Variants in RBFOX1 observed in about 807,000 individuals in gnomAD.
The protein encoded by RBFOX1 is RNA binding fox-1 homolog 1, also known as RNA binding protein fox-1 homolog 1.
A neutral mutation model predicts 57.7 loss-of-function variants in RBFOX1; 8 were observed. That is an observed-to-expected ratio of 0.14 (90% CI 0.08 to 0.25). The LOEUF (loss-of-function observed/expected upper bound fraction) is 0.25, where lower values mean the gene tolerates loss of function less well. Ranked by LOEUF, RBFOX1 falls within the 10% of genes least tolerant of loss-of-function variation. RBFOX1 has a pLI of 1.00. For synonymous variants in RBFOX1, 326 were observed against 222.4 expected (o/e 1.47, Z -4.15); for missense variants, 611 against 548.5 (o/e 1.11, Z -1.14).
intron 4 of RBFOX1, among the ~76,000 whole-genome samples, chr16:5,963,399 A>G (rs1375005447): frequency 6.6e-6 from 1 of 152,234 alleles, no homozygotes; most frequent in Non-Finnish European, 1.5e-5. Context: ...ATCAGGTTGT[A>G]CACACAGAAA....
At chr16:5,462,316 C>T (rs1037372960) in intron 1 of RBFOX1, among the ~76,000 whole-genome samples, 16 of 151,878 alleles carry the variant, frequency 1.1e-4, no homozygotes, top group African/African-American at 3.6e-4. Flanking sequence ...CTACAGGGGC[C>T]CGCCACCACG....
At chr16:5,319,969 T>A (rs2064357069) in intron 1 of RBFOX1, among the ~76,000 whole-genome samples, 1 of 152,102 alleles carries the variant, frequency 6.6e-6, no homozygotes, top group African/African-American at 2.4e-5. Flanking sequence ...CTTCCAACAT[T>A]TTGGTGGCCC....
intron 4 of RBFOX1, among the ~76,000 whole-genome samples, chr16:7,173,496 T>G (rs1443404012): frequency 1.3e-5 from 2 of 152,170 alleles, no homozygotes; most frequent in Non-Finnish European, 2.9e-5. Context: ...TTGACACTTT[T>G]TTTTTTCTCT....
At chr16:6,815,074 C>G (rs1400059051) in intron 3 of RBFOX1, among the ~76,000 whole-genome samples, 1 of 152,134 alleles carries the variant, frequency 6.6e-6, no homozygotes, top group Non-Finnish European at 1.5e-5. Flanking sequence ...AAGCGGTAGG[C>G]AATGACTAGA....
chr16:5,548,956 A>G (rs929681151), intron 2 of RBFOX1, among the ~76,000 whole-genome samples: 2 of 152,212 alleles, frequency 1.3e-5, no homozygotes, highest in Non-Finnish European at 2.9e-5. Flanking sequence ...TGTTTCTGAA[A>G]ATTGTCTGTT....
chr16:7,009,317 T>G (rs994905341), intron 3 of RBFOX1, among the ~76,000 whole-genome samples: 1 of 149,672 alleles, frequency 6.7e-6, no homozygotes, highest in South Asian at 2.2e-4. Context: ...TCTTTCTCTT[T>G]CTTTGTACAT....
In RBFOX1 at chr16:7,567,210, A is replaced by AATATCCATATATATATCCCTATATAT. The variant is rs2091935558; in HGVS notation, c.271-12554_271-12529dup. Among the ~76,000 whole-genome samples, 3 of 100,948 alleles carry AATATCCATATATATATCCCTATATAT rather than the reference A, an allele frequency of 3.0e-5. 1 individual carries two copies. Among genetic ancestry groups the AATATCCATATATATATCCCTATATAT allele is most frequent in the African/African-American group, 1.1e-4 (3 of 28,294 alleles). The allele number at this position is 100,948 out of a possible 152,430, so 66.2% of individuals were successfully genotyped here. A position where few individuals can be genotyped will look rare whatever the true frequency, so the allele number is the denominator to read the frequency against. On this transcript the variant is annotated intron_variant, in intron 5 of 15. Coordinates refer to ENST00000550418, the MANE Select transcript of RBFOX1 (RefSeq NM_018723.4). ...ATATCCATATATATATCCCTATATA[A>AATATCCATATATATATCCCTATATAT]ATATCCATATATATATCCCTATATA...
chr16:7,701,079 C>T (rs2080529394), intron 14 of RBFOX1, among the ~76,000 whole-genome samples: 1 of 152,082 alleles, frequency 6.6e-6, no homozygotes, highest in Non-Finnish European at 1.5e-5. Flanking sequence ...GCAGGGAAAT[C>T]ACGAGGTTGA....
chr16:6,839,527 C>T (rs182438858), intron 3 of RBFOX1, among the ~76,000 whole-genome samples: 1 of 152,166 alleles, frequency 6.6e-6, no homozygotes, highest in African/African-American at 2.4e-5. Context: ...AAATTTTAAT[C>T]AGACAGACAA....
intron 1 of RBFOX1, among the ~76,000 whole-genome samples, chr16:5,289,017 C>T (rs1391839480): frequency 5.3e-5 from 8 of 152,146 alleles, no homozygotes; most frequent in South Asian, 2.1e-4. Context: ...CCCACCTACT[C>T]GGGAGGCTGA....
chr16:5,719,145 A>C (rs191998857), intron 3 of RBFOX1, among the ~76,000 whole-genome samples: 1 of 151,934 alleles, frequency 6.6e-6, no homozygotes, highest in Non-Finnish European at 1.5e-5. Flanking sequence ...ATATAACCCA[A>C]TAGGCTTAGC....
intron 1 of RBFOX1, among the ~76,000 whole-genome samples, chr16:5,433,137 C>T (rs2067805238): frequency 1.3e-5 from 2 of 152,186 alleles, no homozygotes; most frequent in African/African-American, 2.4e-5. Context: ...TGTTTCTCAG[C>T]TTCCCAAAGT....
intron 4 of RBFOX1, among the ~76,000 whole-genome samples, chr16:7,215,509 C>G (rs1013452806): frequency 6.6e-6 from 1 of 152,054 alleles, no homozygotes; most frequent in African/African-American, 2.4e-5. Context: ...TTATGAGATA[C>G]GATTTACACA....
At chr16:5,897,599 A>G (rs1437711820) in intron 4 of RBFOX1, among the ~76,000 whole-genome samples, 1 of 152,172 alleles carries the variant, frequency 6.6e-6, no homozygotes, top group Non-Finnish European at 1.5e-5. Flanking sequence ...TGTTAGCAGG[A>G]TGTGGTTCAG....
At chr16:6,784,209 C>G (rs979881675) in intron 3 of RBFOX1, among the ~76,000 whole-genome samples, 2 of 151,976 alleles carry the variant, frequency 1.3e-5, no homozygotes, top group African/African-American at 4.8e-5. Context: ...CTTTCTATCC[C>G]AATCTCTTTC....
At chr16:6,576,606 A>C (rs760474068) in intron 2 of RBFOX1, among the ~76,000 whole-genome samples, 2 of 152,216 alleles carry the variant, frequency 1.3e-5, no homozygotes, top group African/African-American at 4.8e-5. Flanking sequence ...TTGAACTCCA[A>C]CTGGGAGGAA....
intron 1 of RBFOX1, among the ~76,000 whole-genome samples, chr16:6,071,956 C>G (rs12932974): frequency 6.6e-5 from 10 of 152,062 alleles, no homozygotes; most frequent in African/African-American, 2.4e-4. Context: ...TATGTATACA[C>G]GACATTTTCT....
At chr16:6,868,127 A>G (rs1603634441) in intron 3 of RBFOX1, among the ~76,000 whole-genome samples, 2 of 152,216 alleles carry the variant, frequency 1.3e-5, no homozygotes, top group East Asian at 3.8e-4. Context: ...TAAATAGTAA[A>G]TACTCATTTG....
At chr16:7,673,289 T>C (rs751940945) in intron 13 of RBFOX1, among the ~76,000 whole-genome samples, 1 of 152,206 alleles carries the variant, frequency 6.6e-6, no homozygotes, top group Non-Finnish European at 1.5e-5. Context: ...TTCATGAATA[T>C]TGTCCCAAGG....
Sources: gnomAD v4.1 joint callset for allele counts (sites outside exome capture counted in the v4.1 genomes callset) on GRCh38, gnomAD v4.1.1 for gene constraint, MANE v1.5 for transcripts, NCBI Gene and HGNC (gene_info 2026-07-23, HGNC 2026-07-21) for gene names.